Variants in TCF12 observed in about 807,000 individuals in gnomAD.
TCF12 encodes the protein DNA-binding protein HTF4.
Under a neutral mutation model 86.0 loss-of-function variants are expected in TCF12, and 45 were observed. The ratio of observed to expected loss-of-function variants is 0.52; its 90% CI spans 0.41 to 0.67. The LOEUF is 0.67. TCF12 is among the 30% of genes least tolerant of loss of function. The pLI is 0.00. For missense variants in TCF12, 881 were observed against 859.9 expected (o/e 1.02, Z -0.31); for synonymous variants, 330 against 299.6 (o/e 1.10, Z -1.05).
chr15:57,099,663 C>T (rs1401091327), intron 5 of TCF12, among the ~76,000 whole-genome samples: 2 of 152,126 alleles, frequency 1.3e-5, no homozygotes, highest in South Asian at 2.1e-4. Context: ...TAACTCAGGT[C>T]GTAATCCATT....
chr15:57,233,953 G>C, intron 11 of TCF12, 90 bp from the exon 12 acceptor site: 1 of 1,005,704 alleles, frequency 9.9e-7, no homozygotes, highest in Non-Finnish European at 1.6e-6. Flanking sequence ...GTGAGATGAT[G>C]ATAGAGAACA....
intron 4 of TCF12, among the ~76,000 whole-genome samples, chr15:57,089,353 T>G (rs1258167558): frequency 1.3e-5 from 2 of 152,204 alleles, no homozygotes; most frequent in Non-Finnish European, 2.9e-5. Context: ...AGGATTCATA[T>G]CCAACTCTTG....
At chr15:56,925,240 G>GCCCCCCCCCCCCCCCCCCCCCCCCCCCC (rs11465192) in intron 3 of TCF12, among the ~76,000 whole-genome samples, 3 of 136,330 alleles carry the variant, frequency 2.2e-5, no homozygotes, top group Admixed American at 7.5e-5. Context: ...GGTGTCCACC[G>GCCCCCCCCCCCCCCCCCCCCCCCCCCCC]CCCCCCCACC....
intron 4 of TCF12, among the ~76,000 whole-genome samples, chr15:57,086,637 T>C (rs2048648409): frequency 6.6e-6 from 1 of 151,120 alleles, no homozygotes; most frequent in East Asian, 1.9e-4. Flanking sequence ...CAATTTGGTC[T>C]TGTTAGGGTC....
At chr15:57,104,875 T>A (rs2050034024) in intron 5 of TCF12, among the ~76,000 whole-genome samples, 1 of 136,590 alleles carries the variant, frequency 7.3e-6, no homozygotes, top group South Asian at 2.5e-4. Flanking sequence ...TTTTTTTTTT[T>A]TTTTTTTTTT....
At chr15:57,069,129 T>A (rs1481451871) in intron 4 of TCF12, among the ~76,000 whole-genome samples, 2 of 152,134 alleles carry the variant, frequency 1.3e-5, no homozygotes, top group Admixed American at 6.5e-5. Flanking sequence ...AAAGTACCAT[T>A]GAGGTTTGCA....
intron 5 of TCF12, among the ~76,000 whole-genome samples, chr15:57,146,776 G>C (rs2053392950): frequency 6.6e-6 from 1 of 152,056 alleles, no homozygotes; most frequent in African/African-American, 2.4e-5. Context: ...TGTGCTCTTA[G>C]CAACATTTGG....
At chr15:56,946,250 A>T (rs2060991510) in intron 3 of TCF12, among the ~76,000 whole-genome samples, 1 of 152,102 alleles carries the variant, frequency 6.6e-6, no homozygotes, top group South Asian at 2.1e-4. Context: ...AGCACTCTTG[A>T]TACTGTTCCA....
chr15:56,925,543 C>A (rs1340369703), intron 3 of TCF12, among the ~76,000 whole-genome samples: 1 of 152,162 alleles, frequency 6.6e-6, no homozygotes, highest in Non-Finnish European at 1.5e-5. Context: ...ATAAACAATG[C>A]TGTCTTATTA....
chr15:57,035,031 A>G (rs566771669), intron 3 of TCF12, among the ~76,000 whole-genome samples: 32 of 152,282 alleles, frequency 2.1e-4, no homozygotes, highest in Admixed American at 1.5e-3. Flanking sequence ...CACTGCGCAT[A>G]TATTAGAAAC....
intron 3 of TCF12, among the ~76,000 whole-genome samples, chr15:57,015,144 C>T (rs1038002991): frequency 8.6e-5 from 13 of 152,008 alleles, no homozygotes; most frequent in Middle Eastern, 3.4e-3. Flanking sequence ...AAAAATTAGC[C>T]GGGTATGGTG....
At chr15:57,245,032 C>T (rs765151872) in intron 13 of TCF12, among the ~76,000 whole-genome samples, 9 of 152,168 alleles carry the variant, frequency 5.9e-5, no homozygotes, top group Non-Finnish European at 1.2e-4. Flanking sequence ...AGGCATTTGG[C>T]AACTGGGTAA....
chr15:57,208,604 C>G (rs140000844), intron 8 of TCF12, among the ~76,000 whole-genome samples: 1,747 of 151,592 alleles, frequency 0.012, 33 homozygotes, highest in African/African-American at 0.04. Context: ...AGGCAGGTCT[C>G]GAACTCCTGG....
At chr15:57,026,181 A>T (rs536693249) in intron 3 of TCF12, among the ~76,000 whole-genome samples, 19 of 152,356 alleles carry the variant, frequency 1.2e-4, no homozygotes, top group African/African-American at 4.6e-4. Flanking sequence ...AAGCAGCCAT[A>T]GACAATATAT....
intron 16 of TCF12, among the ~76,000 whole-genome samples, chr15:57,257,863 C>T (rs563890303): frequency 7.2e-5 from 11 of 151,898 alleles, no homozygotes; most frequent in South Asian, 2.1e-4. Context: ...TTTTAAAGCG[C>T]GAAATCAAGA....
At chr15:56,924,123 C>T (rs1175115101) in intron 3 of TCF12, among the ~76,000 whole-genome samples, 1 of 151,990 alleles carries the variant, frequency 6.6e-6, no homozygotes, top group African/African-American at 2.4e-5. Context: ...TTCAGTATTT[C>T]TATTTTTAGA....
In TCF12 at chr15:57,138,033, GA is replaced by G. The variant is rs1303646244; in HGVS notation, c.326-28356del. Among the ~76,000 whole-genome samples the G allele has an allele frequency of 5.6e-3, 658 of 117,948 alleles. 7 individuals are homozygous for G. Among genetic ancestry groups the G allele is most frequent in the African/African-American group, 0.016 (620 of 38,968 alleles). The allele number at this position is 117,948 out of a possible 152,430, so 77.4% of individuals were successfully genotyped here. ...GACAGAGTGAGACTCTGTCTCAAAA[GA>G]AAAAAAAAAAAATAAAGTATTACCA... On this transcript the variant is annotated intron_variant, in intron 5 of 20. Coordinates refer to ENST00000333725, the MANE Select transcript of TCF12 (RefSeq NM_207037.2).
At chr15:57,141,276 T>TGC (rs2052942543) in intron 5 of TCF12, among the ~76,000 whole-genome samples, 1 of 152,240 alleles carries the variant, frequency 6.6e-6, no homozygotes, top group East Asian at 1.9e-4. Context: ...TTTCTCCAGA[T>TGC]ACAGAGTAAT....
At chr15:57,170,449 T>G (rs1208526662) in intron 6 of TCF12, among the ~76,000 whole-genome samples, 1 of 150,242 alleles carries the variant, frequency 6.7e-6, no homozygotes, top group Non-Finnish European at 1.5e-5. Context: ...TGCTTCCACC[T>G]ATGTAGTAGG....
Sources: allele counts gnomAD v4.1 joint callset (sites outside exome capture counted in the v4.1 genomes callset), GRCh38; gene constraint gnomAD v4.1.1; transcripts MANE v1.5; gene names NCBI Gene and HGNC (gene_info 2026-07-23, HGNC 2026-07-21).